Variants in IZUMO2 observed in about 807,000 individuals in gnomAD.
IZUMO2 encodes the protein IZUMO family member 2, also known as izumo sperm-egg fusion protein 2.
A neutral mutation model predicts 31.2 loss-of-function variants in IZUMO2; 24 were observed. That is an observed-to-expected ratio of 0.77 (90% CI 0.56 to 1.08). IZUMO2 has a LOEUF of 1.08. Ranked by LOEUF, IZUMO2 falls within the 50% of genes least tolerant of loss-of-function variation. The pLI is 0.00. For missense variants in IZUMO2, 278 were observed against 274.0 expected, an observed-to-expected ratio of 1.01 and a Z score of -0.10; for synonymous variants, 144 against 117.3, an observed-to-expected ratio of 1.23 and a Z score of -1.47.
Position 50,154,266 on chromosome 19 carries a change from T to TTTTTTG in IZUMO2, c.623+333_623+334insCAAAAA, listed in dbSNP as rs1568436720. ...ATCCACCAAATATAACTTTTAGCGT[T>TTTTTTG]TTTTTTTTTTTTTTTTTTTTTTTTT... On this transcript the variant is annotated intron_variant, in intron 6 of 6. Transcript: ENST00000293405. Among the ~76,000 whole-genome samples, 20 of 10,486 alleles carry TTTTTTG rather than the reference T, an allele frequency of 1.9e-3. 7 individuals are homozygous for TTTTTTG. The highest frequency in any genetic ancestry group is 4.7e-3 in the South Asian group (1 of 212). The allele number at this position is 10,486 out of a possible 152,430, so 6.9% of individuals were successfully genotyped here. A position where few individuals can be genotyped will look rare whatever the true frequency, so the allele number is the denominator to read the frequency against.
At chr19:50,155,751 C>G (rs902552064) in intron 5 of IZUMO2, among the ~76,000 whole-genome samples, 2 of 152,162 alleles carry the variant, frequency 1.3e-5, no homozygotes, top group Non-Finnish European at 2.9e-5. Flanking sequence ...CCTAAGTCGG[C>G]TCCCTCTGCT....
rs187397669 is a variant in IZUMO2, at chr19:50,154,751, C to T, written c.497-25G>A. The stretch of plus-strand genomic sequence containing the variant: ...ACTGGGGCGGGTGGGGAAACAGCCC[C>T]GACCTCCACGTCACCACCCCTCCTT... On this transcript the variant is annotated intron_variant, in intron 5 of 6. Coordinates refer to ENST00000293405, the MANE Select transcript of IZUMO2 (RefSeq NM_152358.3). 3.0e-4 allele frequency: 489 copies of T among 1,611,146 alleles called. 5 individuals carry two copies. In the African/African-American group the frequency reaches 4.9e-3, roughly 16 times the overall value.
At chr19:50,159,178 T>G (rs1600814233) in intron 4 of IZUMO2, 52 bp downstream of exon 4, 1 of 1,581,858 alleles carries the variant, frequency 6.3e-7, no homozygotes, top group Admixed American at 1.8e-5. Context: ...GGAGACAGGG[T>G]GAAGGGGGTT....
At chr19:50,156,080 C>A (rs1472190770) in intron 5 of IZUMO2, among the ~76,000 whole-genome samples, 1 of 152,180 alleles carries the variant, frequency 6.6e-6, no homozygotes, top group Non-Finnish European at 1.5e-5. Flanking sequence ...CAGCCTCCCC[C>A]AGGCACTATC....
At chr19:50,155,003 T>C (rs1390912348) in intron 5 of IZUMO2, among the ~76,000 whole-genome samples, 2 of 152,182 alleles carry the variant, frequency 1.3e-5, no homozygotes, top group Non-Finnish European at 2.9e-5. Flanking sequence ...CCACCCCGCA[T>C]ATCACAGTTA....
At chr19:50,162,862 A>C (rs370680032) in intron 1 of IZUMO2, 49 bp from the exon 2 acceptor site, 1 of 1,604,856 alleles carries the variant, frequency 6.2e-7, no homozygotes, top group East Asian at 2.2e-5. Flanking sequence ...CAGAGAGCCA[A>C]GTGACCTCAC....
At chr19:50,152,893 A>C (rs911387368) in intron 6 of IZUMO2, among the ~76,000 whole-genome samples, 7 of 152,142 alleles carry the variant, frequency 4.6e-5, no homozygotes, top group Non-Finnish European at 8.8e-5. Flanking sequence ...GAAAGAGTCC[A>C]AAAAGACAAG....
chr19:50,157,927 G>A (rs1053173127), intron 5 of IZUMO2, among the ~76,000 whole-genome samples: 8 of 147,146 alleles, frequency 5.4e-5, no homozygotes, highest in African/African-American at 2.1e-4. Flanking sequence ...AAAAAAAAAA[G>A]AATGTATGTT....
intron 4 of IZUMO2, 47 bp downstream of exon 4, chr19:50,159,183 G>C (rs370372206): frequency 2.9e-5 from 47 of 1,593,884 alleles, no homozygotes; most frequent in Non-Finnish European, 4.0e-5. Flanking sequence ...CAGGGTGAAG[G>C]GGGTTAGGAG....
chr19:50,160,447 G>C (rs1419095443), intron 2 of IZUMO2: 1 of 150,350 alleles, frequency 6.7e-6, no homozygotes, highest in Non-Finnish European at 1.5e-5. Context: ...AATTTCACCT[G>C]TTTCTATTTA....
rs751584350 is a variant in IZUMO2 at position 50,163,133 on chromosome 19, C to T, written c.62G>A (p.Cys21Tyr). 3.5e-5 allele frequency: 56 copies of T among 1,591,624 alleles called. No homozygotes were observed. The Admixed American group carries it at 9.7e-4, about 28-fold the overall frequency. Reference protein sequence around the residue: ...SGLGAPGGWGCLQCDPLVLEA... With the variant: ...SGLGAPGGWGYLQCDPLVLEA... ...CAGCACCAAGGGGTCGCACTGCAGG[C>T]AGCCCCAGCCTCCGGGGGCGCCCAA... Residue 21 changes from cysteine to tyrosine, a missense_variant, in exon 1 of 7, where the codon TGC (cysteine) becomes TAC (tyrosine). By Grantham distance (194) the Cys-to-Tyr change is radical. Transcript: ENST00000293405.
chr19:50,156,231 G>T (rs1386401056), intron 5 of IZUMO2, among the ~76,000 whole-genome samples: 1 of 152,064 alleles, frequency 6.6e-6, no homozygotes, highest in Non-Finnish European at 1.5e-5. Context: ...AAATGTCTGG[G>T]GACATTTCTG....
At position 50,152,646 on chromosome 19, in the gene IZUMO2, C is replaced by T. The variant is rs1403197216; in HGVS notation, c.629G>A (p.Cys210Tyr). Reference protein sequence around the residue: ...FVFVVIVVSACTYRQNRKLLL... With the variant: ...FVFVVIVVSAYTYRQNRKLLL... ...GAGTTTTCGGTTTTGTCTGTATGTA[C>T]AAGCCCTGGTCAGAGAGAAAAAGCC... The change falls in exon 7 of 7, where the codon TGT becomes TAT. Residue 210 changes from cysteine to tyrosine, a missense_variant. By Grantham distance (194) the Cys-to-Tyr change is radical. Transcript: ENST00000293405. 5.6e-6 allele frequency: 9 copies of T among 1,613,184 alleles called. No homozygotes were observed. The highest frequency in any genetic ancestry group is 7.6e-6 in the Non-Finnish European group (9 of 1,179,146).
In IZUMO2 at chr19:50,163,008, G is replaced by A. The variant is rs368754929; in HGVS notation, c.187C>T (p.Pro63Ser). The A allele has an allele frequency of 2.5e-6, 4 of 1,610,726 alleles. No individual in the cohort carries two copies. The South Asian group carries it at 4.4e-5, about 18-fold the overall frequency. The part of the protein sequence containing the change: ...AGAVLMGMEG[P>S]FFRDYALNVF... ...TTCAGCGCGTAGTCCCGGAAGAAAG[G>A]CCCCTCCATGCCCATCAGCACGGCC... The change falls in exon 1 of 7, where the codon CCT becomes TCT. Residue 63 changes from proline to serine, a missense_variant. Transcript: ENST00000293405.
Position 50,162,737 on chromosome 19 carries a change from A to G in IZUMO2, c.307+2T>C, listed in dbSNP as rs748682732. 2.5e-6 allele frequency: 4 copies of G among 1,613,088 alleles called. No individual in the cohort carries two copies. The highest frequency in any genetic ancestry group is 3.4e-6 in the Non-Finnish European group (4 of 1,179,090). On this transcript the variant is annotated splice_donor_variant, in intron 2 of 6. Transcript: ENST00000293405. LOFTEE classifies it high-confidence loss of function. The stretch of plus-strand genomic sequence containing the variant: ...GAGAAGGCGTTCCCTCGTCTCTCCT[A>G]CCTTTCAGAGAGTTACCCATTAAGT...
Position 50,158,539 on chromosome 19 carries a change from T to C in IZUMO2, c.416-191A>G, listed in dbSNP as rs181062848. Among the ~76,000 whole-genome samples, 163 of 152,352 alleles carry C rather than the reference T, an allele frequency of 1.1e-3. 1 individual carries two copies. The highest frequency in any genetic ancestry group is 3.4e-3 in the African/African-American group (140 of 41,584). On this transcript the variant is annotated intron_variant, in intron 4 of 6. Coordinates refer to ENST00000293405, the MANE Select transcript of IZUMO2 (RefSeq NM_152358.3). ...ATAAAAAATAATTGTTATATAATCA[T>C]TGAAGAACTAAATTCATCCAGTAGA...
At chr19:50,158,500 C>T (rs1233835297) in intron 4 of IZUMO2, 152 bp from the exon 5 acceptor site, 6 of 482,642 alleles carry the variant, frequency 1.2e-5, no homozygotes, top group Non-Finnish European at 2.2e-5. Flanking sequence ...AAGCAAAATG[C>T]ACTGACAATT....
intron 6 of IZUMO2, 151 bp from the exon 7 acceptor site, chr19:50,152,802 C>T (rs2030072320): frequency 1.4e-6 from 1 of 706,894 alleles, no homozygotes; most frequent in East Asian, 2.6e-5. Context: ...GGCAGATTTT[C>T]AGGGTTCTCT....
At chr19:50,159,110 G>C in intron 4 of IZUMO2, 120 bp downstream of exon 4, 2 of 945,158 alleles carry the variant, frequency 2.1e-6, no homozygotes, top group Non-Finnish European at 3.4e-6. Context: ...AGGTACCATG[G>C]CTTTGGGGTA....
Sources: gnomAD v4.1 joint callset for allele counts (sites outside exome capture counted in the v4.1 genomes callset) on GRCh38, gnomAD v4.1.1 for gene constraint, MANE v1.5 for transcripts, NCBI Gene and HGNC (gene_info 2026-07-23, HGNC 2026-07-21) for gene names.